HCN2: variants seen among roughly 807,000 people sequenced by gnomAD.
The protein encoded by HCN2 is hyperpolarization activated cyclic nucleotide gated potassium and sodium channel 2.
HCN2 carries 20 observed loss-of-function variants against 52.3 expected under a neutral mutation model. The ratio of observed to expected loss-of-function variants is 0.38; its 90% CI spans 0.27 to 0.56. HCN2 has a LOEUF of 0.56. HCN2 is among the 20% of genes least tolerant of loss of function. HCN2 has a pLI of 0.71. For synonymous variants in HCN2, 694 were observed against 537.0 expected (o/e 1.29, Z -4.04); for missense variants, 981 against 1,207.7 (o/e 0.81, Z 2.78).
At chr19:614,081 CAGG>C in intron 7 of HCN2, 65 bp downstream of exon 7, 3 of 565,162 alleles carry the variant, frequency 5.3e-6, no homozygotes, top group South Asian at 6.1e-5. Context: ...GCCAAGGCAT[CAGG>C]AGAGTGGCTT....
chr19:607,214 T>C (rs1983454782), intron 3 of HCN2, among the ~76,000 whole-genome samples: 1 of 152,256 alleles, frequency 6.6e-6, no homozygotes, highest in Admixed American at 6.5e-5. Flanking sequence ...AGATACTCCT[T>C]GCTTCCTAGC....
At chr19:609,816 G>A (rs893836691) in intron 4 of HCN2, among the ~76,000 whole-genome samples, 1 of 152,206 alleles carries the variant, frequency 6.6e-6, no homozygotes, top group African/African-American at 2.4e-5. Context: ...TGGGAGGATT[G>A]CTTGAGCCCA....
chr19:613,091 C>G (rs114094185), intron 5 of HCN2, among the ~76,000 whole-genome samples, 157 bp from the exon 6 acceptor site: 2 of 152,146 alleles, frequency 1.3e-5, no homozygotes, highest in African/African-American at 4.8e-5. Context: ...TTCTTTCTCC[C>G]GTCCTTGGCG....
rs769738536 is a variant in HCN2 at position 592,842 on chromosome 19, T to C, written c.632+2265T>C. 1.6e-4 allele frequency among the ~76,000 whole-genome samples: 24 copies of C among 152,244 alleles called. No individual in the cohort carries two copies. Among genetic ancestry groups the C allele is most frequent in the Admixed American group, 6.5e-4 (10 of 15,296 alleles). ...AGCCCACAGCAAGCGAAGGGGCCTC[T>C]ACGTTTGCAGCTGACTCAGGAGCCT... On this transcript the variant is annotated intron_variant, in intron 1 of 7. Transcript: ENST00000251287. The surrounding 1 kb of genome is among the most constrained non-coding windows in gnomAD (Gnocchi z 4.8).
chr19:607,884 T>C (rs1272050765), intron 3 of HCN2, 80 bp from the exon 4 acceptor site: 16 of 1,050,042 alleles, frequency 1.5e-5, no homozygotes, highest in Admixed American at 2.0e-5. Flanking sequence ...TGGCAGAGGG[T>C]GGGCGCTGGG....
Position 603,827 on chromosome 19 carries a change from C to A in HCN2, c.916C>A (p.Leu306Ile). 6.2e-7 allele frequency: 1 copy of A among 1,612,770 alleles called. No individual in the cohort carries two copies. Among genetic ancestry groups the A allele is most frequent in the East Asian group, 2.2e-5 (1 of 44,860 alleles). ...VSSIPVDYIFLIVEKGIDSEV... is the reference protein window; with the variant it reads ...VSSIPVDYIFIIVEKGIDSEV... ...CTCCATCCCCGTGGACTACATCTTC[C>A]TTATCGTGGAGAAGGGCATTGACTC... Residue 306 changes from leucine to isoleucine, a missense_variant, in exon 2 of 8, where the codon CTT becomes ATT. Coordinates refer to ENST00000251287, the MANE Select transcript of HCN2 (RefSeq NM_001194.4).
intron 1 of HCN2, among the ~76,000 whole-genome samples, chr19:598,531 CCTGAGCTT>C (rs1983105522): frequency 6.6e-6 from 1 of 152,076 alleles, no homozygotes. Context: ...GTCCTGAACT[CCTGAGCTT>C]CTGTGATCCT....
rs1241911017 is a variant in HCN2, at chr19:593,895, C to T, written c.632+3318C>T. On this transcript the variant is annotated intron_variant, in intron 1 of 7. Coordinates refer to ENST00000251287, the MANE Select transcript of HCN2 (RefSeq NM_001194.4). ...GAAGGGGTTTGGCCTTATGCAACCC[C>T]CAGGGCTTCGGCAGGGTCTTCTGTG... 3.3e-5 allele frequency among the ~76,000 whole-genome samples: 5 copies of T among 152,218 alleles called. No individual in the cohort carries two copies. The East Asian group carries it at 9.7e-4, about 29-fold the overall frequency.
At chr19:599,450 A>G (rs1017873260) in intron 1 of HCN2, among the ~76,000 whole-genome samples, 3 of 152,064 alleles carry the variant, frequency 2.0e-5, no homozygotes, top group Admixed American at 6.6e-5. Context: ...GACCCCGGCC[A>G]TGATAGGGAG....
Position 605,142 on chromosome 19 carries a change from T to A in HCN2, c.1138T>A (p.Trp380Arg). 6.2e-7 allele frequency: 1 copy of A among 1,611,906 alleles called. No individual in the cohort carries two copies. The highest frequency in any genetic ancestry group is 1.1e-5 in the South Asian group (1 of 91,040). Residue 380 changes from tryptophan (W) to arginine (R), a missense_variant, in exon 3 of 8, where the codon TGG (tryptophan) becomes AGG (arginine). Physicochemically the swap from Trp to Arg is moderately radical, Grantham distance 101. Coordinates refer to ENST00000251287, the MANE Select transcript of HCN2 (RefSeq NM_001194.4). The stretch of plus-strand genomic sequence containing the variant: ...CAGCATGATGCTGCTGCTCTGCCAC[T>A]GGGACGGCTGCCTGCAGTTCCTGGT... ...LISMMLLLCHWDGCLQFLVPM... is the reference protein window; with the variant it reads ...LISMMLLLCHRDGCLQFLVPM...
intron 7 of HCN2, 81 bp from the exon 8 acceptor site, chr19:615,714 C>T (rs1052434542): frequency 1.4e-5 from 20 of 1,396,336 alleles, no homozygotes; most frequent in African/African-American, 1.4e-4. Context: ...TGTGCGCACC[C>T]GCGGTGCAGA....
intron 2 of HCN2, among the ~76,000 whole-genome samples, 173 bp downstream of exon 2, chr19:604,140 G>A (rs936708984): frequency 1.2e-4 from 9 of 75,118 alleles, no homozygotes; most frequent in East Asian, 4.7e-4. Flanking sequence ...TGGGGCTATG[G>A]GAGATCTGGG....
Position 617,118 on chromosome 19 carries a change from C to CACACCCCCATTCCGCGCAATA in HCN2, c.*646_*666dup. 1.5e-6 allele frequency: 1 copy of CACACCCCCATTCCGCGCAATA among 683,942 alleles called. No individual in the cohort carries two copies. Among genetic ancestry groups the CACACCCCCATTCCGCGCAATA allele is most frequent in the Non-Finnish European group, 2.4e-6 (1 of 410,066 alleles). 42.4% of individuals were successfully genotyped at this position (683,942 alleles called of 1,614,324 possible). ...TGGCCCCCCACGCCCCATTAACCCC[C>CACACCCCCATTCCGCGCAATA]ACACCCCCATTCCGCGCAATAAACG... is the stretch of plus-strand genomic sequence containing the variant. On this transcript the variant is annotated 3_prime_UTR_variant, in exon 8 of 8. Transcript: ENST00000251287.
At position 607,016 on chromosome 19, in the gene HCN2, T is replaced by C. The variant is rs928213216; in HGVS notation, c.1219-948T>C. Among the ~76,000 whole-genome samples the C allele has an allele frequency of 2.0e-5, 3 of 151,120 alleles. No individual in the cohort carries two copies. The Admixed American group carries it at 2.0e-4, about 10-fold the overall frequency. ...GGAGAAACCCCGTCTCTACTAAAAA[T>C]ACAAAACTAGCTTGGCGTGGTGGCG... is the stretch of plus-strand genomic sequence containing the variant. On this transcript the variant is annotated intron_variant, in intron 3 of 7. Transcript: ENST00000251287.
chr19:594,556 C>A (rs1982966912), intron 1 of HCN2, among the ~76,000 whole-genome samples: 1 of 152,176 alleles, frequency 6.6e-6, no homozygotes, highest in Non-Finnish European at 1.5e-5. Flanking sequence ...TCCAAGACCC[C>A]ACCAGGACAG....
chr19:610,101 C>T lies in HCN2; in HGVS notation c.1438-158C>T, dbSNP rs977060595. 6.6e-4 allele frequency among the ~76,000 whole-genome samples: 99 copies of T among 149,824 alleles called. 1 individual carries two copies. Among genetic ancestry groups the T allele is most frequent in the Middle Eastern group, 3.4e-3 (1 of 290 alleles). Reference sequence around the variant, plus strand: ...GAAGGCCTATCTCCCCGCCACAGGCCGGGGGGCTGTCTGACCCACAAGCAG... The same window carrying T: ...GAAGGCCTATCTCCCCGCCACAGGCTGGGGGGCTGTCTGACCCACAAGCAG... On this transcript the variant is annotated intron_variant, in intron 4 of 7. Coordinates refer to ENST00000251287, the MANE Select transcript of HCN2 (RefSeq NM_001194.4).
chr19:614,892 T>A (rs571558414), intron 7 of HCN2, among the ~76,000 whole-genome samples: 1 of 152,214 alleles, frequency 6.6e-6, no homozygotes, highest in Non-Finnish European at 1.5e-5. Context: ...CTCATGCTGC[T>A]GTTCGTGGGA....
chr19:614,219 G>T (rs1210816114), intron 7 of HCN2, among the ~76,000 whole-genome samples: 3 of 152,172 alleles, frequency 2.0e-5, no homozygotes, highest in Non-Finnish European at 4.4e-5. Context: ...GCAGCGGCTG[G>T]CCGCTCCTAG....
At chr19:613,214 C>G in intron 5 of HCN2, 34 bp from the exon 6 acceptor site, 1 of 1,580,390 alleles carries the variant, frequency 6.3e-7, no homozygotes, top group Non-Finnish European at 8.6e-7. Flanking sequence ...GGAGTGGGGT[C>G]CGCAGCGGAC....
Sources: gnomAD v4.1 joint callset for allele counts (sites outside exome capture counted in the v4.1 genomes callset) on GRCh38, gnomAD v4.1.1 for gene constraint, Gnocchi (gnomAD v3.1) non-coding constraint, MANE v1.5 for transcripts, NCBI Gene and HGNC (gene_info 2026-07-23, HGNC 2026-07-21) for gene names.